The following NALF1 variants were observed in gnomAD, a reference collection of about 807,000 sequenced individuals.
NALF1 encodes the protein NALCN channel auxiliary factor 1, also known as family with sequence similarity 155 member A.
Under a neutral mutation model 48.4 loss-of-function variants are expected in NALF1, and 3 were observed. The observed-to-expected ratio is 0.06, with a 90% CI of 0.03 to 0.16. The LOEUF is 0.16. Among genes scored for constraint, NALF1 ranks in the 10% least tolerant of loss-of-function variants. NALF1 has a pLI of 1.00. For synonymous variants in NALF1, 262 were observed against 245.7 expected (o/e 1.07, Z -0.62); for missense variants, 526 against 571.5 (o/e 0.92, Z 0.81).
intron 1 of NALF1, among the ~76,000 whole-genome samples, chr13:107,541,439 G>C (rs1054438267): frequency 2.6e-5 from 4 of 152,048 alleles, no homozygotes; most frequent in African/African-American, 7.2e-5. Flanking sequence ...TCATAACTCA[G>C]AATTCTTGAA....
intron 1 of NALF1, among the ~76,000 whole-genome samples, chr13:107,655,585 C>A (rs1435284580): frequency 6.6e-6 from 1 of 151,986 alleles, no homozygotes; most frequent in Non-Finnish European, 1.5e-5. Flanking sequence ...ACCATACTGC[C>A]AAAAGAAATC....
chr13:107,712,345 A>G (rs1381568107), intron 1 of NALF1, among the ~76,000 whole-genome samples: 1 of 152,240 alleles, frequency 6.6e-6, no homozygotes, highest in African/African-American at 2.4e-5. Flanking sequence ...ACAGGAAGGA[A>G]TGAATGCAAA....
At chr13:107,735,822 C>T (rs575281404) in intron 1 of NALF1, among the ~76,000 whole-genome samples, 75 of 152,048 alleles carry the variant, frequency 4.9e-4, no homozygotes, top group Non-Finnish European at 9.7e-4. Flanking sequence ...GGGGAAATAC[C>T]GCAGGCTTTG....
chr13:107,816,094 A>C (rs1430897179), intron 1 of NALF1, among the ~76,000 whole-genome samples: 2 of 152,316 alleles, frequency 1.3e-5, no homozygotes, highest in African/African-American at 4.8e-5. Context: ...AGAACTGAAC[A>C]AAACATTAAC....
intron 1 of NALF1, among the ~76,000 whole-genome samples, chr13:107,496,777 T>TAGATGGATGGGAGCAGGCAAAAA (rs1468843314): frequency 6.6e-6 from 1 of 152,122 alleles, no homozygotes; most frequent in African/African-American, 2.4e-5. Context: ...AGTCACATCT[T>TAGATGGATGGGAGCAGGCAAAAA]AGATGGATGG....
At chr13:107,784,993 A>G (rs1878027104) in intron 1 of NALF1, among the ~76,000 whole-genome samples, 1 of 152,038 alleles carries the variant, frequency 6.6e-6, no homozygotes. Flanking sequence ...AAATCGCGGA[A>G]CCAACCCAAA....
intron 2 of NALF1, among the ~76,000 whole-genome samples, chr13:107,192,731 A>G (rs1326388279): frequency 6.6e-6 from 1 of 152,192 alleles, no homozygotes; most frequent in Non-Finnish European, 1.5e-5. Context: ...CATCAGCCTG[A>G]CTGAACCCCA....
intron 1 of NALF1, among the ~76,000 whole-genome samples, chr13:107,451,390 C>A (rs1884737368): frequency 6.6e-6 from 1 of 152,122 alleles, no homozygotes; most frequent in Non-Finnish European, 1.5e-5. Context: ...GGATTTAAAC[C>A]TTTATAATAA....
chr13:107,346,791 A>G (rs1257293619), intron 1 of NALF1, among the ~76,000 whole-genome samples: 1 of 152,232 alleles, frequency 6.6e-6, no homozygotes, highest in Non-Finnish European at 1.5e-5. Context: ...TCCTCATTTG[A>G]TGGATCTATT....
intron 1 of NALF1, among the ~76,000 whole-genome samples, chr13:107,632,723 T>C (rs545534448): frequency 6.6e-4 from 101 of 152,316 alleles, no homozygotes; most frequent in African/African-American, 2.4e-3. Context: ...GTATCACTTA[T>C]GTTTAACCAG....
At chr13:107,533,464 AGAG>A (rs1315490252) in intron 1 of NALF1, among the ~76,000 whole-genome samples, 1 of 152,088 alleles carries the variant, frequency 6.6e-6, no homozygotes, top group Non-Finnish European at 1.5e-5. Context: ...CCTCCCCTAC[AGAG>A]GAGGCAGCCC....
chr13:107,784,540 G>GA (rs377339882), intron 1 of NALF1, among the ~76,000 whole-genome samples: 1 of 151,828 alleles, frequency 6.6e-6, no homozygotes, highest in Admixed American at 6.6e-5. Context: ...GCTCCAGTAG[G>GA]AAAAAAACAA....
intron 1 of NALF1, among the ~76,000 whole-genome samples, chr13:107,692,969 G>A (rs894795409): frequency 6.6e-6 from 1 of 152,276 alleles, no homozygotes. Context: ...ACGTGTGCAT[G>A]TGTCTTTATA....
chr13:107,211,683 T>C (rs1018764192), intron 1 of NALF1, among the ~76,000 whole-genome samples: 2 of 149,748 alleles, frequency 1.3e-5, no homozygotes, highest in Non-Finnish European at 2.9e-5. Flanking sequence ...ACTAATGGCT[T>C]TTACTTATCT....
chr13:107,707,017 G>C (rs1390366930), intron 1 of NALF1, among the ~76,000 whole-genome samples: 1 of 142,950 alleles, frequency 7.0e-6, no homozygotes, highest in African/African-American at 2.6e-5. Context: ...CCGCCTCCCG[G>C]GTTCACGCCA....
intron 1 of NALF1, among the ~76,000 whole-genome samples, chr13:107,460,718 A>T (rs185770078): frequency 7.2e-5 from 11 of 152,322 alleles, no homozygotes; most frequent in African/African-American, 2.6e-4. Context: ...CCATATTGAT[A>T]ATACATAGTC....
intron 1 of NALF1, among the ~76,000 whole-genome samples, chr13:107,437,874 G>C (rs1211686214): frequency 6.6e-6 from 1 of 152,174 alleles, no homozygotes; most frequent in Non-Finnish European, 1.5e-5. Context: ...AAGGGAGAGA[G>C]AGCAAAAGAA....
At chr13:107,634,254 T>C (rs1879915581) in intron 1 of NALF1, among the ~76,000 whole-genome samples, 1 of 152,048 alleles carries the variant, frequency 6.6e-6, no homozygotes, top group African/African-American at 2.4e-5. Flanking sequence ...TCCTCCCCCT[T>C]CTACATATTT....
rs556705292 is a variant in NALF1, at chr13:107,303,368, T to C, written c.916-92613A>G. ...AAGAAACATATCAAGCGATATACAA[T>C]GTATGTTTTATTTACTTCTCTATAG... On this transcript the variant is annotated intron_variant, in intron 1 of 2. Transcript: ENST00000375915. 5.9e-5 allele frequency among the ~76,000 whole-genome samples: 9 copies of C among 152,322 alleles called. No homozygotes were observed. The East Asian group carries it at 1.7e-3, about 29-fold the overall frequency.
Sources: allele counts gnomAD v4.1 joint callset (sites outside exome capture counted in the v4.1 genomes callset), GRCh38; gene constraint gnomAD v4.1.1; transcripts MANE v1.5; gene names NCBI Gene and HGNC (gene_info 2026-07-23, HGNC 2026-07-21).